ARHGAP6: variants seen among roughly 807,000 people sequenced by gnomAD.
ARHGAP6 encodes rho GTPase-activating protein 6.
In ARHGAP6, 16 loss-of-function variants were observed where a neutral mutation model predicts 55.7. The observed-to-expected ratio is 0.29, with a 90% CI of 0.19 to 0.44. The LOEUF is 0.44. ARHGAP6 is among the 20% of genes least tolerant of loss of function. ARHGAP6 has a pLI of 1.00. For missense variants in ARHGAP6, 698 were observed against 808.9 expected (o/e 0.86, Z 1.66); for synonymous variants, 382 against 360.9 (o/e 1.06, Z -0.66).
intron 1 of ARHGAP6, among the ~76,000 whole-genome samples, chrX:11,520,725 A>C (rs1165674628): frequency 9.0e-6 from 1 of 111,677 alleles, no homozygotes; most frequent in Non-Finnish European, 1.9e-5. Flanking sequence ...TAGATCCCTG[A>C]GGAATCGCCA....
At chrX:11,153,511 C>T (rs531472133) in intron 10 of ARHGAP6, among the ~76,000 whole-genome samples, 4 of 74,832 alleles carry the variant, frequency 5.3e-5, no homozygotes, top group Non-Finnish European at 9.4e-5. Context: ...GGTGACAGAG[C>T]GAGACTCGAT....
intron 1 of ARHGAP6, among the ~76,000 whole-genome samples, chrX:11,391,611 C>G (rs1331565621): frequency 2.7e-5 from 3 of 112,133 alleles, no homozygotes; most frequent in Non-Finnish European, 5.6e-5. Flanking sequence ...TGAGAACAAT[C>G]AAGTCAGTGG....
intron 1 of ARHGAP6, among the ~76,000 whole-genome samples, chrX:11,428,098 G>A (rs1319880921): frequency 8.9e-6 from 1 of 112,605 alleles, no homozygotes; most frequent in Non-Finnish European, 1.9e-5. Context: ...GCGAGAAGGC[G>A]AACTTGGGTT....
At chrX:11,628,607 A>T (rs1278416176) in intron 1 of ARHGAP6, among the ~76,000 whole-genome samples, 1 of 112,359 alleles carries the variant, frequency 8.9e-6, no homozygotes, top group Non-Finnish European at 1.9e-5. Flanking sequence ...GCATGAAGAG[A>T]TTCTAACCAT....
chrX:11,168,980 A>C (rs748809470), intron 9 of ARHGAP6, among the ~76,000 whole-genome samples: 3 of 111,862 alleles, frequency 2.7e-5, no homozygotes, highest in Non-Finnish European at 3.8e-5. Context: ...CTACTAGGGG[A>C]AATGGTCATA....
At chrX:11,539,711 G>A (rs1307454322) in intron 1 of ARHGAP6, among the ~76,000 whole-genome samples, 4 of 111,373 alleles carry the variant, frequency 3.6e-5, no homozygotes, top group Admixed American at 9.5e-5. Context: ...GCCTAACTAC[G>A]GCCTCCCACT....
chrX:11,559,851 C>T (rs926338284), intron 1 of ARHGAP6, among the ~76,000 whole-genome samples: 1 of 108,068 alleles, frequency 9.3e-6, no homozygotes, highest in Non-Finnish European at 1.9e-5. Flanking sequence ...TGGTGTGAAC[C>T]CAGGAGGCGG....
chrX:11,232,589 T>A (rs2047149039), intron 2 of ARHGAP6, among the ~76,000 whole-genome samples: 1 of 111,431 alleles, frequency 9.0e-6, no homozygotes, highest in Non-Finnish European at 1.9e-5. Flanking sequence ...GCCAAGATCA[T>A]GCCACTGCAC....
intron 1 of ARHGAP6, among the ~76,000 whole-genome samples, chrX:11,662,381 C>A (rs2052711896): frequency 9.0e-6 from 1 of 110,896 alleles, no homozygotes; most frequent in Non-Finnish European, 1.9e-5. Flanking sequence ...TCACTCCATG[C>A]CTGCCTCAAG....
chrX:11,252,752 A>G (rs1034895985), intron 2 of ARHGAP6, among the ~76,000 whole-genome samples: 2 of 112,064 alleles, frequency 1.8e-5, no homozygotes, highest in African/African-American at 6.5e-5. Flanking sequence ...GGCCTTGTCT[A>G]TCTCTCTCTT....
At chrX:11,576,422 C>T (rs925609782) in intron 1 of ARHGAP6, among the ~76,000 whole-genome samples, 8 of 111,869 alleles carry the variant, frequency 7.2e-5, no homozygotes, top group Non-Finnish European at 1.5e-4. Context: ...TAGTACAAGA[C>T]ACATGCTACA....
chrX:11,408,906 CAT>C (rs1337702399), intron 1 of ARHGAP6, among the ~76,000 whole-genome samples: 3 of 109,498 alleles, frequency 2.7e-5, no homozygotes, highest in Non-Finnish European at 1.9e-5. Flanking sequence ...CACACACACA[CAT>C]ACACACACAC....
At chrX:11,181,060 A>G (rs1037401390) in intron 6 of ARHGAP6, among the ~76,000 whole-genome samples, 1 of 112,212 alleles carries the variant, frequency 8.9e-6, no homozygotes, top group Non-Finnish European at 1.9e-5. Flanking sequence ...TCAGTGAGAT[A>G]ATATTTGTAA....
rs201765545 is a variant in ARHGAP6 at position 11,394,529 on chromosome X, TA to T, written c.589-139823del. Among the ~76,000 whole-genome samples the T allele has an allele frequency of 8.9e-3, 996 of 111,922 alleles. 9 individuals are homozygous for T. Among genetic ancestry groups the T allele is most frequent in the Non-Finnish European group, 9.6e-3 (510 of 53,143 alleles). On this transcript the variant is annotated intron_variant, in intron 1 of 12. Coordinates refer to ENST00000337414, the MANE Select transcript of ARHGAP6 (RefSeq NM_013427.3). ...CTTAAACTGAGTAAATTTTATGATG[TA>T]AAATTACTTCAATAAAGTTATTTTA...
At position 11,188,895 on chromosome X, in the gene ARHGAP6, C is replaced by T. The variant is rs781737696; in HGVS notation, c.910G>A (p.Glu304Lys). 4.1e-6 allele frequency: 5 copies of T among 1,209,368 alleles called. No homozygotes were observed. Among genetic ancestry groups the T allele is most frequent in the Admixed American group, 4.4e-5 (2 of 45,635 alleles). Residue 304 changes from glutamate to lysine, a missense_variant, in exon 4 of 13, where the codon GAG (glutamate) becomes AAG (lysine). This residue lies in a region of ARHGAP6 where 322 missense variants were observed against 451.1 expected (regional missense o/e 0.71). Transcript: ENST00000337414. Reference protein sequence around the residue: ...YKLKQDLQRDEQKDASDFVAS... With the variant: ...YKLKQDLQRDKQKDASDFVAS... ...ACAAAGTCAGATGCATCTTTCTGCT[C>T]GTCCCTCTGCAAGTCCTGCTTGAGT...
At chrX:11,241,983 G>A (rs2047288498) in intron 2 of ARHGAP6, among the ~76,000 whole-genome samples, 1 of 111,800 alleles carries the variant, frequency 8.9e-6, no homozygotes, top group Admixed American at 9.5e-5. Flanking sequence ...GGTGTGGTCA[G>A]AAAATAAGAA....
chrX:11,428,872 T>C (rs2049916382), intron 1 of ARHGAP6, among the ~76,000 whole-genome samples: 1 of 112,075 alleles, frequency 8.9e-6, no homozygotes, highest in Non-Finnish European at 1.9e-5. Context: ...CTGAGGAATC[T>C]ACCATTAGAT....
chrX:11,463,963 A>G (rs763936939), intron 1 of ARHGAP6, among the ~76,000 whole-genome samples: 7 of 112,605 alleles, frequency 6.2e-5, no homozygotes, highest in African/African-American at 2.3e-4. Flanking sequence ...AAGATGGAGG[A>G]GGGAGCTTGA....
chrX:11,310,627 C>T (rs1164684221), intron 1 of ARHGAP6, among the ~76,000 whole-genome samples: 1 of 111,825 alleles, frequency 8.9e-6, no homozygotes, highest in Non-Finnish European at 1.9e-5. Flanking sequence ...TCCCTTGCAA[C>T]AATCATTCCC....
Sources: gnomAD v4.1 joint callset for allele counts (sites outside exome capture counted in the v4.1 genomes callset) on GRCh38, gnomAD v4.1.1 for gene constraint, gnomAD v4.1.1 regional missense constraint, MANE v1.5 for transcripts, NCBI Gene and HGNC (gene_info 2026-07-23, HGNC 2026-07-21) for gene names.